SPTBN4: variants seen among roughly 807,000 people sequenced by gnomAD.
The protein encoded by SPTBN4 is spectrin beta, non-erythrocytic 4.
Under a neutral mutation model 277.8 loss-of-function variants are expected in SPTBN4, and 96 were observed. The observed-to-expected ratio is 0.35, with a 90% CI of 0.29 to 0.41. SPTBN4 has a LOEUF of 0.41. Among genes scored for constraint, SPTBN4 ranks in the 10% least tolerant of loss-of-function variants. The pLI, the probability that SPTBN4 is intolerant of heterozygous loss-of-function variation, is 1.00. For missense variants in SPTBN4, 3,006 were observed against 3,595.7 expected (o/e 0.84, Z 4.19); for synonymous variants, 1,481 against 1,580.3 (o/e 0.94, Z 1.49).
chr19:40,494,576 T>A (rs756782085), intron 5 of SPTBN4, among the ~76,000 whole-genome samples: 17 of 151,988 alleles, frequency 1.1e-4, no homozygotes, highest in Non-Finnish European at 1.5e-5. Context: ...CTTCTATCAA[T>A]CTATATATAT....
intron 17 of SPTBN4, among the ~76,000 whole-genome samples, chr19:40,526,493 G>A (rs1424269578): frequency 6.6e-6 from 1 of 151,380 alleles, no homozygotes; most frequent in Non-Finnish European, 1.5e-5. Flanking sequence ...TCTTATCTGC[G>A]TTTTGCATGT....
At chr19:40,549,051 C>A in intron 20 of SPTBN4, 138 bp from the exon 21 acceptor site, 1 of 666,826 alleles carries the variant, frequency 1.5e-6, no homozygotes, top group Non-Finnish European at 2.5e-6. Context: ...CGCATCGCTC[C>A]TGGAGGGGAC....
At chr19:40,521,342 C>T (rs1280185089) in intron 16 of SPTBN4, among the ~76,000 whole-genome samples, 1 of 152,098 alleles carries the variant, frequency 6.6e-6, no homozygotes, top group Admixed American at 6.6e-5. Context: ...TTATTGTGTG[C>T]TTTATTTCTA....
Position 40,567,154 on chromosome 19 carries a change from C to A in SPTBN4, c.6337-509C>A, listed in dbSNP as rs995548572. 14 of 454,472 alleles carry A rather than the reference C, an allele frequency of 3.1e-5. 1 individual carries two copies. The highest frequency in any genetic ancestry group is 2.2e-4 in the South Asian group (14 of 64,430). The allele number at this position is 454,472 out of a possible 1,614,324, so 28.2% of individuals were successfully genotyped here. ...AGCAAACAAAGAAAAAACAGCCAGG[C>A]GTGATGGCACGTGCCTGTAGTCCCA... On this transcript the variant is annotated intron_variant, in intron 30 of 35. Coordinates refer to ENST00000598249, the MANE Select transcript of SPTBN4 (RefSeq NM_020971.3).
chr19:40,469,162 T>G (rs1599699097), intron 1 of SPTBN4, among the ~76,000 whole-genome samples: 1 of 152,122 alleles, frequency 6.6e-6, no homozygotes, highest in South Asian at 2.1e-4. Context: ...CTCACTCTAC[T>G]GACCAAGACT....
intron 13 of SPTBN4, among the ~76,000 whole-genome samples, chr19:40,510,784 G>A (rs144205932): frequency 6.6e-6 from 1 of 152,130 alleles, no homozygotes; most frequent in African/African-American, 2.4e-5. Flanking sequence ...TACTTTGGGA[G>A]GCCAAGGTGG....
rs748839070 is a variant in SPTBN4 at position 40,503,769 on chromosome 19, G to T, written c.1363-61G>T. On this transcript the variant is annotated intron_variant, in intron 11 of 35. Transcript: ENST00000598249. ...GTGGGGAGTCCCCAGGGTCACACAG[G>T]GTCAAGGTAACAGGTGGACTGCTGA... 3.3e-6 allele frequency: 5 copies of T among 1,513,238 alleles called. No homozygotes were observed. In the African/African-American group the frequency reaches 6.9e-5, roughly 21 times the overall value. The allele number at this position is 1,513,238 out of a possible 1,614,324, so 93.7% of individuals were successfully genotyped here. A position where few individuals can be genotyped will look rare whatever the true frequency, so the allele number is the denominator to read the frequency against.
At chr19:40,493,829 C>T (rs775432385) in intron 5 of SPTBN4, among the ~76,000 whole-genome samples, 11 of 152,180 alleles carry the variant, frequency 7.2e-5, no homozygotes, top group Non-Finnish European at 1.5e-4. Context: ...TGAACTGTCC[C>T]CAGCCTGCTC....
chr19:40,495,110 A>T (rs1438389258), intron 6 of SPTBN4, 133 bp downstream of exon 6: 5 of 777,782 alleles, frequency 6.4e-6, no homozygotes. Flanking sequence ...CTACACACAC[A>T]TACAGTTTTC....
intron 20 of SPTBN4, among the ~76,000 whole-genome samples, chr19:40,537,241 C>A (rs921604250): frequency 2.6e-5 from 4 of 152,156 alleles, no homozygotes; most frequent in African/African-American, 9.7e-5. Context: ...AACTCGTGGC[C>A]TCAGGTGATC....
Position 40,502,515 on chromosome 19 carries a change from C to G in SPTBN4, c.1203+8C>G. ...ATCTGGGATATTGACAAGGTGAGGC[C>G]GGGGATGCAGGGGAGAGGCGGGGTT... On this transcript the variant is annotated splice_region_variant and intron_variant, in intron 10 of 35. Transcript: ENST00000598249. The surrounding 1 kb of genome is among the most constrained non-coding windows in gnomAD (Gnocchi z 4.9). The G allele has an allele frequency of 6.2e-7, 1 of 1,607,352 alleles. No individual in the cohort carries two copies. The highest frequency in any genetic ancestry group is 8.5e-7 in the Non-Finnish European group (1 of 1,177,176).
chr19:40,572,094 C>A lies in SPTBN4; in HGVS notation c.7395C>A (p.Ser2465=), dbSNP rs145835537. 106 of 1,612,990 alleles carry A rather than the reference C, an allele frequency of 6.6e-5. No homozygotes were observed. The highest frequency in any genetic ancestry group is 8.1e-5 in the Non-Finnish European group (96 of 1,179,550). ...ACAAGGACTCCAAGGGCCCGGCATCCGGGAGCACACACGGTGGGGAACCGC... is the reference window on the plus strand; with the variant it reads ...ACAAGGACTCCAAGGGCCCGGCATCAGGGAGCACACACGGTGGGGAACCGC... ...GFYKDSKGPA[S]GSTHGGEPLL... Residue 2465 remains serine (S), a synonymous_variant, in exon 34 of 36, where the codon TCC becomes TCA. Coordinates refer to ENST00000598249, the MANE Select transcript of SPTBN4 (RefSeq NM_020971.3).
chr19:40,564,049 A>AAAAC (rs796822454), intron 27 of SPTBN4, among the ~76,000 whole-genome samples: 19 of 152,052 alleles, frequency 1.2e-4, no homozygotes, highest in South Asian at 4.2e-4. Context: ...CTCTGTCTCA[A>AAAAC]AAACAAACAA....
Position 40,472,737 on chromosome 19 carries a change from C to T in SPTBN4, c.116C>T (p.Ala39Val), listed in dbSNP as rs150447798. 4,545 of 1,606,964 alleles carry T rather than the reference C, an allele frequency of 2.8e-3. 11 individuals carry two copies. The highest frequency in any genetic ancestry group is 9.1e-3 in the Middle Eastern group (54 of 5,958). Residue 39 changes from alanine (A) to valine (V), a missense_variant, in exon 2 of 36, where the codon GCG becomes GTG. Physicochemically the swap from Ala to Val is moderately conservative, Grantham distance 64. Coordinates refer to ENST00000598249, the MANE Select transcript of SPTBN4 (RefSeq NM_020971.3). ...GGCTGGGAGCGGGAGCAGCCGGCTG[C>T]GTCCACCGCAGCGGCCTCGCTCTTT... ...DRGWEREQPAASTAAASLFEC... is the reference protein window; with the variant it reads ...DRGWEREQPAVSTAAASLFEC...
At chr19:40,566,138 C>T in intron 29 of SPTBN4, 25 bp from the exon 30 acceptor site, 1 of 1,474,224 alleles carries the variant, frequency 6.8e-7, no homozygotes, top group African/African-American at 1.4e-5. Context: ...GCCCCAGAAT[C>T]CTTACCCTGC....
At chr19:40,485,506 A>G (rs2080061217) in intron 2 of SPTBN4, among the ~76,000 whole-genome samples, 1 of 152,166 alleles carries the variant, frequency 6.6e-6, no homozygotes, top group Admixed American at 6.6e-5. Context: ...AGTAGAGATG[A>G]TAAAAAGACA....
At position 40,575,459 on chromosome 19, in the gene SPTBN4, C is replaced by T. The variant is rs758523149; in HGVS notation, c.7585C>T (p.His2529Tyr). 1.1e-5 allele frequency: 17 copies of T among 1,613,364 alleles called. No individual in the cohort carries two copies. The East Asian group carries it at 3.8e-4, about 36-fold the overall frequency. ...GGCTGTAGCTTCCTCGGTGGCGGAA[C>T]ACGCAGAGATCGCCCGCTGGGGCCA... is the stretch of plus-strand genomic sequence containing the variant. The part of the protein sequence containing the change: ...LEAVASSVAE[H>Y]AEIARWGQTL... The change falls in exon 36 of 36, where the codon CAC becomes TAC. Residue 2529 changes from histidine to tyrosine, a missense_variant. By Grantham distance (83) the His-to-Tyr change is moderately conservative. Around this residue, in one of 5 missense-constraint regions of SPTBN4, gnomAD observed 630 missense variants for 677.6 expected, o/e 0.93. Transcript: ENST00000598249.
intron 18 of SPTBN4, chr19:40,530,841 T>A (rs945682410): frequency 6.6e-5 from 10 of 151,648 alleles, no homozygotes; most frequent in African/African-American, 2.2e-4. Flanking sequence ...GGGGGACTTC[T>A]AAGACCACTT....
intron 2 of SPTBN4, among the ~76,000 whole-genome samples, chr19:40,478,518 G>T (rs2079973390): frequency 6.6e-6 from 1 of 152,040 alleles, no homozygotes; most frequent in Non-Finnish European, 1.5e-5. Flanking sequence ...TTGGGCAACA[G>T]AGTGAGATCC....
Sources: allele counts gnomAD v4.1 joint callset (sites outside exome capture counted in the v4.1 genomes callset), GRCh38; gene constraint gnomAD v4.1.1; regional missense constraint gnomAD v4.1.1; non-coding constraint Gnocchi (gnomAD v3.1); transcripts MANE v1.5; gene names NCBI Gene and HGNC (gene_info 2026-07-23, HGNC 2026-07-21).